AGMO: variants seen among roughly 807,000 people sequenced by gnomAD.
The protein encoded by AGMO is alkylglycerol monooxygenase, also known as glyceryl-ether monooxygenase.
AGMO carries 75 observed loss-of-function variants against 60.2 expected under a neutral mutation model. The observed-to-expected ratio is 1.25, with a 90% CI of 1.03 to 1.51. AGMO has a LOEUF of 1.51. Among genes scored for constraint, AGMO ranks in the 40% most tolerant of loss-of-function variants. The pLI, the probability that AGMO is intolerant of heterozygous loss-of-function variation, is 0.00. For missense variants in AGMO, 763 were observed against 525.5 expected, an observed-to-expected ratio of 1.45 and a Z score of -4.42; for synonymous variants, 261 against 177.1, an observed-to-expected ratio of 1.47 and a Z score of -3.76.
At chr7:15,531,200 A>G (rs1324269298) in intron 3 of AGMO, among the ~76,000 whole-genome samples, 1 of 89,552 alleles carries the variant, frequency 1.1e-5, no homozygotes, top group Non-Finnish European at 2.0e-5. Flanking sequence ...TATTCTATAT[A>G]TATATTCTAT....
At chr7:15,315,911 T>C (rs1780908989) in intron 12 of AGMO, among the ~76,000 whole-genome samples, 1 of 152,156 alleles carries the variant, frequency 6.6e-6, no homozygotes, top group Admixed American at 6.5e-5. Flanking sequence ...TAGTAAATGT[T>C]AATAATACAA....
At chr7:15,382,975 T>C (rs1783755139) in intron 10 of AGMO, among the ~76,000 whole-genome samples, 1 of 152,156 alleles carries the variant, frequency 6.6e-6, no homozygotes, top group South Asian at 2.1e-4. Flanking sequence ...CCTATTTGCC[T>C]TTTTCTATAA....
intron 1 of AGMO, 52 bp downstream of exon 1, chr7:15,561,668 T>C: frequency 6.6e-7 from 1 of 1,508,232 alleles, no homozygotes; most frequent in Non-Finnish European, 8.9e-7. Flanking sequence ...GACCTTACCA[T>C]TTATTAAGAA....
chr7:15,150,256 T>G, the AGMO span, among the ~76,000 whole-genome samples: 13 of 152,054 alleles, frequency 8.5e-5, no homozygotes, highest in East Asian at 1.3e-3. Flanking sequence ...TGAAGAGAGA[T>G]AGTTTTACTT....
intron 3 of AGMO, among the ~76,000 whole-genome samples, chr7:15,506,243 A>G (rs1399778855): frequency 6.6e-6 from 1 of 151,268 alleles, no homozygotes; most frequent in African/African-American, 2.4e-5. Flanking sequence ...CTGAATGTAA[A>G]TGATATGCAT....
At chr7:15,511,776 G>T (rs1011101635) in intron 3 of AGMO, among the ~76,000 whole-genome samples, 2 of 152,096 alleles carry the variant, frequency 1.3e-5, no homozygotes, top group Admixed American at 1.3e-4. Context: ...TTATACTTCA[G>T]CAAAGCTGAA....
chr7:15,535,980 G>A (rs549930553), intron 3 of AGMO, among the ~76,000 whole-genome samples: 6 of 151,974 alleles, frequency 3.9e-5, no homozygotes, highest in Non-Finnish European at 8.8e-5. Context: ...ACGACTGAGT[G>A]CCTACTTTAT....
chr7:15,318,764 T>C (rs750403321), intron 12 of AGMO, among the ~76,000 whole-genome samples: 4 of 152,170 alleles, frequency 2.6e-5, no homozygotes, highest in African/African-American at 4.8e-5. Context: ...GCTCAATTTT[T>C]TTCTTTGTTT....
chr7:15,438,376 A>C (rs1332910504), intron 3 of AGMO, among the ~76,000 whole-genome samples: 1 of 152,170 alleles, frequency 6.6e-6, no homozygotes, highest in Non-Finnish European at 1.5e-5. Context: ...CTGAACTAGA[A>C]GGTAGATATT....
chr7:15,270,257 AACT>A (rs1783554999), intron 12 of AGMO, among the ~76,000 whole-genome samples: 1 of 152,056 alleles, frequency 6.6e-6, no homozygotes, highest in South Asian at 2.1e-4. Context: ...TTTTCTCTGC[AACT>A]ACGCCAACAT....
the AGMO span, among the ~76,000 whole-genome samples, chr7:15,139,257 C>T: frequency 2.6e-5 from 4 of 152,312 alleles, no homozygotes; most frequent in South Asian, 4.1e-4. Flanking sequence ...ATTATTTCTA[C>T]GTTTCATCCA....
chr7:15,438,175 G>A (rs972942057), intron 3 of AGMO, among the ~76,000 whole-genome samples: 3 of 151,660 alleles, frequency 2.0e-5, no homozygotes, highest in African/African-American at 7.3e-5. Context: ...TCATACAATC[G>A]AAAAGCAAGA....
At chr7:15,394,337 C>T (rs958344434) in intron 5 of AGMO, among the ~76,000 whole-genome samples, 158 bp from the exon 6 acceptor site, 1 of 152,078 alleles carries the variant, frequency 6.6e-6, no homozygotes, top group East Asian at 1.9e-4. Context: ...ATCTGGAATT[C>T]ATATAAAGAC....
intron 12 of AGMO, among the ~76,000 whole-genome samples, chr7:15,303,456 G>A (rs1314596089): frequency 2.6e-5 from 4 of 151,612 alleles, no homozygotes; most frequent in Non-Finnish European, 4.4e-5. Context: ...AGAGAGAGAA[G>A]GGGTGGTGAA....
rs773705204 is a variant in AGMO at position 15,361,546 on chromosome 7, A to AAAAAAAAGAAAAAAG, written c.1263+3967_1263+3968insCTTTTTTCTTTTTTT. Among the ~76,000 whole-genome samples the AAAAAAAAGAAAAAAG allele has an allele frequency of 7.7e-5, 7 of 91,408 alleles. 1 individual carries two copies. The highest frequency in any genetic ancestry group is 1.7e-4 in the African/African-American group (4 of 23,258). The allele number at this position is 91,408 out of a possible 152,430, so 60.0% of individuals were successfully genotyped here. A position where few individuals can be genotyped will look rare whatever the true frequency, so the allele number is the denominator to read the frequency against. ...CAGAGCGAGACTGTGTCTCAAAAAA[A>AAAAAAAAGAAAAAAG]AAAAAAAAGGTTTTGAGATTTAGAT... On this transcript the variant is annotated intron_variant, in intron 12 of 12. Coordinates refer to ENST00000342526, the MANE Select transcript of AGMO (RefSeq NM_001004320.2).
At chr7:15,308,297 AT>A (rs1050213084) in intron 12 of AGMO, among the ~76,000 whole-genome samples, 5 of 151,920 alleles carry the variant, frequency 3.3e-5, no homozygotes, top group Non-Finnish European at 7.4e-5. Flanking sequence ...AAATTTGCAT[AT>A]TTTTTCCTAT....
At chr7:15,339,206 G>A (rs35623912) in intron 12 of AGMO, among the ~76,000 whole-genome samples, 29,316 of 151,980 alleles carry the variant, frequency 0.19, 3,061 homozygotes, top group East Asian at 0.45. Flanking sequence ...AGTACTAGTT[G>A]ATCAATTCAT....
intron 12 of AGMO, among the ~76,000 whole-genome samples, chr7:15,210,069 G>A (rs1403374265): frequency 6.6e-6 from 1 of 151,970 alleles, no homozygotes; most frequent in Non-Finnish European, 1.5e-5. Context: ...CAAAGATTGT[G>A]AAAAAAACCT....
At chr7:15,368,297 C>T (rs78741853) in intron 10 of AGMO, among the ~76,000 whole-genome samples, 1 of 149,318 alleles carries the variant, frequency 6.7e-6, no homozygotes, top group African/African-American at 2.5e-5. Flanking sequence ...AAAAAAAAAC[C>T]AGAAAAATAT....
Sources: allele counts gnomAD v4.1 joint callset (sites outside exome capture counted in the v4.1 genomes callset), GRCh38; gene constraint gnomAD v4.1.1; transcripts MANE v1.5; gene names NCBI Gene and HGNC (gene_info 2026-07-23, HGNC 2026-07-21).